Variants in CBFA2T3 observed in about 807,000 individuals in gnomAD.
CBFA2T3 encodes the protein transcriptional corepressor CBFA2T3.
Under a neutral mutation model 58.6 loss-of-function variants are expected in CBFA2T3, and 31 were observed. The ratio of observed to expected loss-of-function variants is 0.53; its 90% CI spans 0.40 to 0.71. The LOEUF is 0.71. Among genes scored for constraint, CBFA2T3 ranks in the 30% least tolerant of loss-of-function variants. The pLI is 0.00. For missense variants in CBFA2T3, 1,076 were observed against 963.1 expected (o/e 1.12, Z -1.55); for synonymous variants, 531 against 421.9 (o/e 1.26, Z -3.17).
At chr16:88,924,664 C>T (rs1009317918) in intron 1 of CBFA2T3, among the ~76,000 whole-genome samples, 1 of 152,176 alleles carries the variant, frequency 6.6e-6, no homozygotes, top group Non-Finnish European at 1.5e-5. Flanking sequence ...GCCCCATGGC[C>T]GGGAGCATGA....
chr16:88,941,270 G>C (rs1166602393), intron 1 of CBFA2T3: 3 of 692,288 alleles, frequency 4.3e-6, no homozygotes, highest in Non-Finnish European at 5.3e-6. Flanking sequence ...GCCCGGGGCG[G>C]TCTCCGGCCT....
intron 1 of CBFA2T3, among the ~76,000 whole-genome samples, 191 bp downstream of exon 1, chr16:88,976,466 C>A (rs1004118923): frequency 6.6e-6 from 1 of 152,190 alleles, no homozygotes; most frequent in African/African-American, 2.4e-5. Flanking sequence ...CTCACCAGCC[C>A]ACCTGCCCCA....
chr16:88,906,983 C>G (rs1395132221), intron 1 of CBFA2T3, among the ~76,000 whole-genome samples: 2 of 150,872 alleles, frequency 1.3e-5, no homozygotes, highest in Non-Finnish European at 3.0e-5. Context: ...GGCCCGTCAC[C>G]ATACAGGGTC....
At position 88,958,711 on chromosome 16, in the gene CBFA2T3, GC is replaced by G. The variant is rs1457262872; in HGVS notation, c.151+17945del. ...GCCGGGGGCTGGGGGCCTCGGTGTG[GC>G]CTTTGGAAGGAGATGAACTTGCTCT... is the stretch of plus-strand genomic sequence containing the variant. On this transcript the variant is annotated intron_variant, in intron 1 of 11. Coordinates refer to ENST00000268679, the MANE Select transcript of CBFA2T3 (RefSeq NM_005187.6). The surrounding 1 kb of genome is among the most constrained non-coding windows in gnomAD (Gnocchi z 4.0). 6.6e-6 allele frequency among the ~76,000 whole-genome samples: 1 copy of G among 152,086 alleles called. No homozygotes were observed. The highest frequency in any genetic ancestry group is 1.5e-5 in the Non-Finnish European group (1 of 67,986).
rs540040330 is a variant in CBFA2T3, at chr16:88,964,724, CATCT to C, written c.151+11929_151+11932del. On this transcript the variant is annotated intron_variant, in intron 1 of 11. Transcript: ENST00000268679. ...TTCCTTACCTTTTTATCTTCCCATC[CATCT>C]ATCCACCCACCAACCCATCTATCCA... Among the ~76,000 whole-genome samples the C allele has an allele frequency of 1.9e-4, 29 of 152,222 alleles. 1 individual carries two copies. In the South Asian group the frequency reaches 6.0e-3, roughly 32 times the overall value.
intron 1 of CBFA2T3, among the ~76,000 whole-genome samples, chr16:88,971,710 G>C (rs1429980983): frequency 6.6e-6 from 1 of 152,222 alleles, no homozygotes; most frequent in Non-Finnish European, 1.5e-5. Context: ...TGGGTGGGCG[G>C]CCCTCAGACA....
intron 1 of CBFA2T3, among the ~76,000 whole-genome samples, chr16:88,975,266 G>GCAGCCATATCAAAGGGCCACCCTGAC (rs1567644208): frequency 1.2e-5 from 1 of 84,930 alleles, no homozygotes; most frequent in Non-Finnish European, 2.9e-5. Context: ...TCTGTTTCAT[G>GCAGCCATATCAAAGGGCCACCCTGAC]CCTCTAGCCA....
Position 88,885,353 on chromosome 16 carries a change from G to C in CBFA2T3, c.894-84C>G. The C allele has an allele frequency of 1.1e-6, 1 of 912,952 alleles. No individual in the cohort carries two copies. Among genetic ancestry groups the C allele is most frequent in the Non-Finnish European group, 1.6e-6 (1 of 632,294 alleles). 56.6% of individuals were successfully genotyped at this position (912,952 alleles called of 1,614,324 possible). A position where few individuals can be genotyped will look rare whatever the true frequency, so the allele number is the denominator to read the frequency against. On this transcript the variant is annotated intron_variant, in intron 6 of 11. Coordinates refer to ENST00000268679, the MANE Select transcript of CBFA2T3 (RefSeq NM_005187.6). The surrounding 1 kb of genome is among the most constrained non-coding windows in gnomAD (Gnocchi z 5.3). ...GTGCAGGTGGGGTGAGAGGCAGACA[G>C]GCAAGGGCAGAGAGAAAGAGGACAC...
intron 1 of CBFA2T3, chr16:88,951,652 C>T (rs1257439679): frequency 2.0e-5 from 7 of 355,200 alleles, no homozygotes; most frequent in Non-Finnish European, 3.8e-5. Flanking sequence ...ACAGGGCTAG[C>T]AGGACAGTCA....
Position 88,875,928 on chromosome 16 carries a change from G to A in CBFA2T3, c.*1048C>T, listed in dbSNP as rs781564000. The A allele has an allele frequency of 1.7e-5, 4 of 233,016 alleles. No individual in the cohort carries two copies. The highest frequency in any genetic ancestry group is 6.0e-5 in the East Asian group (1 of 16,572). 14.4% of individuals were successfully genotyped at this position (233,016 alleles called of 1,614,324 possible). A position where few individuals can be genotyped will look rare whatever the true frequency, so the allele number is the denominator to read the frequency against. ...GCCGGAGCAACGGCACACGGACCAC[G>A]CACACGCGGCGGACGCACCAACGCC... On this transcript the variant is annotated 3_prime_UTR_variant, in exon 12 of 12. Coordinates refer to ENST00000268679, the MANE Select transcript of CBFA2T3 (RefSeq NM_005187.6).
chr16:88,962,859 A>C (rs11862605), intron 1 of CBFA2T3, among the ~76,000 whole-genome samples: 1 of 152,020 alleles, frequency 6.6e-6, no homozygotes, highest in East Asian at 1.9e-4. Flanking sequence ...GAGCACCGAC[A>C]TGAATTCCCA....
intron 1 of CBFA2T3, among the ~76,000 whole-genome samples, chr16:88,975,181 T>TGTCAGAGGTCCACCCTGATC (rs1567643999): frequency 0.036 from 1,670 of 46,728 alleles, 56 homozygotes; most frequent in East Asian, 0.13. Flanking sequence ...CTGCTCCACA[T>TGTCAGAGGTCCACCCTGATC]CTTTAGCCAT....
In CBFA2T3 at chr16:88,885,928, C is replaced by A; in HGVS notation, c.893+33G>T. ...CAGGGTGAGCCGCGTGTCCACGGCA[C>A]CCCCAGCCCAGATCCCCGGAGCCCA... On this transcript the variant is annotated intron_variant, in intron 6 of 11. Coordinates refer to ENST00000268679, the MANE Select transcript of CBFA2T3 (RefSeq NM_005187.6). This position sits in a 1 kb window ranked among gnomAD's most constrained non-coding sequence, Gnocchi z 5.3. The A allele has an allele frequency of 6.5e-7, 1 of 1,538,114 alleles. No homozygotes were observed. Among genetic ancestry groups the A allele is most frequent in the Non-Finnish European group, 8.8e-7 (1 of 1,139,912 alleles).
chr16:88,967,463 G>A (rs369671816), intron 1 of CBFA2T3, among the ~76,000 whole-genome samples: 1 of 152,060 alleles, frequency 6.6e-6, no homozygotes, highest in Non-Finnish European at 1.5e-5. Context: ...TGCCGGAGAC[G>A]GGGACTGCTA....
chr16:88,884,699 T>A (rs558886822), intron 7 of CBFA2T3: 2 of 232,118 alleles, frequency 8.6e-6, no homozygotes, highest in African/African-American at 4.5e-5. Context: ...GAGTTGGGAC[T>A]CTCGTCTGGC....
chr16:88,892,234 C>A lies in CBFA2T3; in HGVS notation c.621+10G>T. The A allele has an allele frequency of 6.2e-7, 1 of 1,604,786 alleles. No individual in the cohort carries two copies. The highest frequency in any genetic ancestry group is 8.5e-7 in the Non-Finnish European group (1 of 1,177,198). Reference sequence around the variant, plus strand: ...TGTCCCAAGGCCCCGGCTGTCCCTGCCCAACTCACCACCAGGCCCAGCACC... The same window carrying A: ...TGTCCCAAGGCCCCGGCTGTCCCTGACCAACTCACCACCAGGCCCAGCACC... On this transcript the variant is annotated intron_variant, in intron 4 of 11. Transcript: ENST00000268679.
intron 1 of CBFA2T3, among the ~76,000 whole-genome samples, chr16:88,975,211 C>CCT (rs112139615): frequency 0.028 from 2,764 of 97,198 alleles, 59 homozygotes; most frequent in African/African-American, 0.055. Flanking sequence ...CCACCCTGAC[C>CCT]CTCTGCTCCT....
intron 11 of CBFA2T3, among the ~76,000 whole-genome samples, chr16:88,878,113 T>C (rs1968912205): frequency 6.6e-6 from 1 of 152,252 alleles, no homozygotes; most frequent in Non-Finnish European, 1.5e-5. Flanking sequence ...GATGCCTGCG[T>C]GGCCAGCTTC....
At chr16:88,878,331 G>T (rs887252418) in intron 11 of CBFA2T3, among the ~76,000 whole-genome samples, 3 of 152,212 alleles carry the variant, frequency 2.0e-5, no homozygotes, top group African/African-American at 7.2e-5. Context: ...AGAGACCCCT[G>T]AATCGATGGG....
Sources: gnomAD v4.1 joint callset for allele counts (sites outside exome capture counted in the v4.1 genomes callset) on GRCh38, gnomAD v4.1.1 for gene constraint, Gnocchi (gnomAD v3.1) non-coding constraint, MANE v1.5 for transcripts, NCBI Gene and HGNC (gene_info 2026-07-23, HGNC 2026-07-21) for gene names.